The following GAREM1 variants were observed in gnomAD, a reference collection of about 807,000 sequenced individuals.
GAREM1 encodes GRB2-associated and regulator of MAPK protein 1.
GAREM1 carries 26 observed loss-of-function variants against 71.3 expected under a neutral mutation model. The observed-to-expected ratio is 0.36, with a 90% CI of 0.27 to 0.51. The LOEUF is 0.51. Ranked by LOEUF, GAREM1 falls within the 20% of genes least tolerant of loss-of-function variation. The pLI, the probability that GAREM1 is intolerant of heterozygous loss-of-function variation, is 0.95. For synonymous variants in GAREM1, 440 were observed against 433.2 expected, an observed-to-expected ratio of 1.02 and a Z score of -0.20; for missense variants, 1,026 against 1,103.1, an observed-to-expected ratio of 0.93 and a Z score of 0.99.
At position 32,268,099 on chromosome 18, in the gene GAREM1, TG is replaced by T; in HGVS notation, c.2402del (p.Pro801HisfsTer13). The T allele has an allele frequency of 6.2e-7, 1 of 1,614,070 alleles. No individual in the cohort carries two copies. ...LAPRSCGDGS[P>X]WQPPADLSGL... is the part of the protein sequence containing the mutation. ...CTGATAGGTCAGCAGGTGGCTGCCA[TG>T]GGGAACCGTCGCCACAGGATCTGGG... On this transcript the variant is annotated frameshift_variant, in exon 6 of 6. Transcript: ENST00000269209. LOFTEE classifies it high-confidence loss of function.
Position 32,413,269 on chromosome 18 carries a change from GT to G in GAREM1, c.122-20235del, listed in dbSNP as rs973833604. On this transcript the variant is annotated intron_variant, in intron 1 of 5. Transcript: ENST00000269209. ...AAATATTTCAACTACATATTTGACAGTTTGGGGGAGTCACTCACATTAAGTA... is the reference window on the plus strand; with the variant it reads ...AAATATTTCAACTACATATTTGACAGTTGGGGGAGTCACTCACATTAAGTA... 9.5e-5 allele frequency: 139 copies of G among 1,460,258 alleles called. No homozygotes were observed. The African/African-American group carries it at 1.5e-3, about 15-fold the overall frequency. The allele number at this position is 1,460,258 out of a possible 1,614,324, so 90.5% of individuals were successfully genotyped here.
intron 4 of GAREM1, among the ~76,000 whole-genome samples, chr18:32,275,235 T>G (rs1006834424): frequency 2.0e-5 from 3 of 152,094 alleles, no homozygotes; most frequent in Non-Finnish European, 4.4e-5. Context: ...CACCCCAGAG[T>G]AATGACTATT....
chr18:32,457,199 T>TAGGGGGGG (rs2048898753), intron 1 of GAREM1, among the ~76,000 whole-genome samples: 1 of 52,524 alleles, frequency 1.9e-5, no homozygotes, highest in Non-Finnish European at 3.3e-5. Context: ...ATTGTGTGTG[T>TAGGGGGGG]AGGGGGGGAG....
intron 3 of GAREM1, among the ~76,000 whole-genome samples, chr18:32,301,707 C>T (rs2047203878): frequency 6.6e-6 from 1 of 152,190 alleles, no homozygotes; most frequent in Admixed American, 6.5e-5. Flanking sequence ...TGCTATAAAA[C>T]CCGGGACCTT....
chr18:32,363,507 A>G (rs1356984709), intron 2 of GAREM1, among the ~76,000 whole-genome samples: 1 of 152,200 alleles, frequency 6.6e-6, no homozygotes, highest in Non-Finnish European at 1.5e-5. Context: ...CCCTGATTCA[A>G]TAAGATTTTT....
At position 32,287,984 on chromosome 18, in the gene GAREM1, T is replaced by C. The variant is rs748804605; in HGVS notation, c.613A>G (p.Thr205Ala). ...MPCLICMNHR[T>A]NESISLPFQC... The stretch of plus-strand genomic sequence containing the variant: ...AATGGAAGGCTAATGCTTTCGTTGG[T>C]CCGGTGATTCATACAAATGAGGCAC... Residue 205 changes from threonine (T) to alanine (A), a missense_variant, in exon 4 of 6, where the codon ACC becomes GCC. Around this residue, in one of 3 missense-constraint regions of GAREM1, gnomAD observed 218 missense variants for 296.8 expected, o/e 0.73. Transcript: ENST00000269209. The surrounding 1 kb of genome is among the most constrained non-coding windows in gnomAD (Gnocchi z 5.9). The C allele has an allele frequency of 3.1e-6, 5 of 1,614,138 alleles. No individual in the cohort carries two copies. Among genetic ancestry groups the C allele is most frequent in the Admixed American group, 1.7e-5 (1 of 60,028 alleles).
At chr18:32,309,182 T>C (rs2047288322) in intron 3 of GAREM1, among the ~76,000 whole-genome samples, 1 of 150,078 alleles carries the variant, frequency 6.7e-6, no homozygotes, top group Admixed American at 6.6e-5. Context: ...TGAGTATTGC[T>C]GGAGAAAATG....
chr18:32,446,888 A>G (rs567534040), intron 1 of GAREM1, among the ~76,000 whole-genome samples: 1 of 152,336 alleles, frequency 6.6e-6, no homozygotes, highest in Admixed American at 6.5e-5. Context: ...GTGGAAACAG[A>G]AAAATCCAGC....
chr18:32,373,623 A>G (rs117443633), intron 2 of GAREM1, among the ~76,000 whole-genome samples: 1,539 of 152,326 alleles, frequency 0.01, 15 homozygotes, highest in Middle Eastern at 0.024. Flanking sequence ...GAAGAATACA[A>G]TGCCAAAGGC....
rs566227886 is a variant in GAREM1 at position 32,392,766 on chromosome 18, C to A, written c.262+129G>T. 1.8e-5 allele frequency: 17 copies of A among 955,602 alleles called. No individual in the cohort carries two copies. In the Admixed American group the frequency reaches 4.0e-4, roughly 23 times the overall value. 59.2% of individuals were successfully genotyped at this position (955,602 alleles called of 1,614,324 possible). On this transcript the variant is annotated intron_variant, in intron 2 of 5. Transcript: ENST00000269209. ...AATCTGAGCTTTCACTGATCAATAA[C>A]CACACACAAATGTTTGATTCTCTAA...
At chr18:32,323,632 C>G (rs145502048) in intron 2 of GAREM1, among the ~76,000 whole-genome samples, 1 of 152,088 alleles carries the variant, frequency 6.6e-6, no homozygotes, top group African/African-American at 2.4e-5. Flanking sequence ...TCCCTTGAGC[C>G]CAAGAGGCAG....
chr18:32,442,775 G>GA (rs2048751409), intron 1 of GAREM1, among the ~76,000 whole-genome samples: 1 of 152,054 alleles, frequency 6.6e-6, no homozygotes, highest in Non-Finnish European at 1.5e-5. Flanking sequence ...TGCTTTCATT[G>GA]AAAGATCCCA....
chr18:32,350,455 G>C (rs1283885168), intron 2 of GAREM1, among the ~76,000 whole-genome samples: 1 of 152,048 alleles, frequency 6.6e-6, no homozygotes, highest in Non-Finnish European at 1.5e-5. Context: ...TTTAAAAATA[G>C]AGTCAGGGTC....
chr18:32,302,820 A>G (rs2047213658), intron 3 of GAREM1, among the ~76,000 whole-genome samples: 1 of 152,176 alleles, frequency 6.6e-6, no homozygotes, highest in African/African-American at 2.4e-5. Context: ...CACATTGTAT[A>G]CCTGTACTAC....
At position 32,268,077 on chromosome 18, in the gene GAREM1, A is replaced by T. The variant is rs768935188; in HGVS notation, c.2425T>A (p.Ser809Thr). The T allele has an allele frequency of 1.9e-6, 3 of 1,614,154 alleles. No homozygotes were observed. In the South Asian group the frequency reaches 3.3e-5, roughly 18 times the overall value. Reference sequence around the variant, plus strand: ...GACACTTCCTCTATAGAGAGTCCTGATAGGTCAGCAGGTGGCTGCCATGGG... The same window carrying T: ...GACACTTCCTCTATAGAGAGTCCTGTTAGGTCAGCAGGTGGCTGCCATGGG... Reference protein sequence around the residue: ...GSPWQPPADLSGLSIEEVSKS... With the variant: ...GSPWQPPADLTGLSIEEVSKS... The change falls in exon 6 of 6, where the codon TCA (serine) becomes ACA (threonine). Residue 809 changes from serine to threonine, a missense_variant. Physicochemically the swap from Ser to Thr is moderately conservative, Grantham distance 58. Transcript: ENST00000269209.
chr18:32,385,306 C>G (rs890219939), intron 2 of GAREM1, among the ~76,000 whole-genome samples: 1 of 151,842 alleles, frequency 6.6e-6, no homozygotes, highest in African/African-American at 2.4e-5. Context: ...CTACCTTTCA[C>G]TCATTTTTAA....
At chr18:32,425,733 T>C (rs1568006709) in intron 1 of GAREM1, among the ~76,000 whole-genome samples, 1 of 152,234 alleles carries the variant, frequency 6.6e-6, no homozygotes, top group Non-Finnish European at 1.5e-5. Context: ...ATGACTCATA[T>C]GGATTTCTCT....
chr18:32,338,716 G>C (rs1019087484), intron 2 of GAREM1, among the ~76,000 whole-genome samples: 1 of 152,172 alleles, frequency 6.6e-6, no homozygotes, highest in Non-Finnish European at 1.5e-5. Flanking sequence ...ATCTTTTCTA[G>C]ACCTGCAGCA....
chr18:32,336,923 G>A (rs1171371661), intron 2 of GAREM1, among the ~76,000 whole-genome samples: 1 of 152,148 alleles, frequency 6.6e-6, no homozygotes, highest in African/African-American at 2.4e-5. Flanking sequence ...TAATATTAGT[G>A]GCTGTCTGTA....
Sources: gnomAD v4.1 joint callset for allele counts (sites outside exome capture counted in the v4.1 genomes callset) on GRCh38, gnomAD v4.1.1 for gene constraint, gnomAD v4.1.1 regional missense constraint, Gnocchi (gnomAD v3.1) non-coding constraint, MANE v1.5 for transcripts, NCBI Gene and HGNC (gene_info 2026-07-23, HGNC 2026-07-21) for gene names.